The following CLEC16A variants were observed in gnomAD, a reference collection of about 807,000 sequenced individuals.
CLEC16A encodes the protein protein CLEC16A.
CLEC16A carries 51 observed loss-of-function variants against 109.5 expected under a neutral mutation model. The ratio of observed to expected loss-of-function variants is 0.47; its 90% CI spans 0.37 to 0.59. The LOEUF (loss-of-function observed/expected upper bound fraction) is 0.59. CLEC16A is among the 20% of genes least tolerant of loss of function. The pLI, the probability that CLEC16A is intolerant of heterozygous loss-of-function variation, is 0.00. For synonymous variants in CLEC16A, 673 were observed against 564.2 expected (o/e 1.19, Z -2.73); for missense variants, 1,339 against 1,394.0 (o/e 0.96, Z 0.63).
chr16:11,045,380 G>C (rs1050830759), intron 16 of CLEC16A, among the ~76,000 whole-genome samples: 1 of 152,128 alleles, frequency 6.6e-6, no homozygotes. Flanking sequence ...ACTTCTGTCA[G>C]TTTTGGAGGC....
At chr16:11,177,730 A>G (rs2068812921) in intron 23 of CLEC16A, among the ~76,000 whole-genome samples, 2 of 152,260 alleles carry the variant, frequency 1.3e-5, no homozygotes, top group East Asian at 1.9e-4. Flanking sequence ...CGGGACAATA[A>G]TGGCCTGAGG....
intron 23 of CLEC16A, among the ~76,000 whole-genome samples, 167 bp downstream of exon 23, chr16:11,166,719 T>A (rs2068280014): frequency 6.6e-6 from 1 of 152,190 alleles, no homozygotes; most frequent in Non-Finnish European, 1.5e-5. Context: ...TAACTTGATG[T>A]TCCCTCCCAG....
intron 19 of CLEC16A, among the ~76,000 whole-genome samples, chr16:11,097,455 A>C (rs944808875): frequency 3.9e-5 from 6 of 152,288 alleles, no homozygotes; most frequent in African/African-American, 1.4e-4. Flanking sequence ...TTGATGCATC[A>C]GAAATATTTT....
chr16:11,099,168 G>A (rs2050767101), intron 19 of CLEC16A, among the ~76,000 whole-genome samples: 1 of 152,208 alleles, frequency 6.6e-6, no homozygotes, highest in Non-Finnish European at 1.5e-5. Flanking sequence ...AAGGCCCTGG[G>A]CCAGGCTGCT....
intron 9 of CLEC16A, among the ~76,000 whole-genome samples, chr16:10,982,200 G>T (rs1337060495): frequency 6.6e-6 from 1 of 152,170 alleles, no homozygotes; most frequent in African/African-American, 2.4e-5. Flanking sequence ...CTTAAAGCTG[G>T]TCCTCTGAAC....
intron 6 of CLEC16A, 116 bp from the exon 7 acceptor site, chr16:10,972,822 G>T: frequency 9.2e-7 from 1 of 1,091,874 alleles, no homozygotes; most frequent in East Asian, 2.6e-5. Context: ...TCAGATTATA[G>T]CAGAGGGCTT....
intron 19 of CLEC16A, among the ~76,000 whole-genome samples, chr16:11,118,990 G>C (rs1019638446): frequency 6.6e-6 from 1 of 151,988 alleles, no homozygotes; most frequent in Non-Finnish European, 1.5e-5. Flanking sequence ...TGTTCTGTTG[G>C]TCCATGTGTT....
At chr16:10,983,105 C>T (rs1375742516) in intron 10 of CLEC16A, 114 bp downstream of exon 10, 9 of 623,470 alleles carry the variant, frequency 1.4e-5, no homozygotes, top group Non-Finnish European at 2.3e-5. Flanking sequence ...AGTGATGATG[C>T]ATAAGCTGGT....
chr16:11,178,954 AG>A lies in CLEC16A; in HGVS notation c.*265del. Reference sequence around the variant, plus strand: ...AGATGACTGCACCGGCCACTCAGGGAGCTGCCTGGGCTCCGTGTCTCTGAGC... The same window carrying A: ...AGATGACTGCACCGGCCACTCAGGGACTGCCTGGGCTCCGTGTCTCTGAGC... On this transcript the variant is annotated 3_prime_UTR_variant, in exon 24 of 24. Coordinates refer to ENST00000409790, the MANE Select transcript of CLEC16A (RefSeq NM_015226.3). This position sits in a 1 kb window ranked among gnomAD's most constrained non-coding sequence, Gnocchi z 6.5. The A allele has an allele frequency of 2.4e-6, 1 of 408,436 alleles. No homozygotes were observed. Among genetic ancestry groups the A allele is most frequent in the South Asian group, 6.9e-5 (1 of 14,480 alleles). 25.3% of individuals were successfully genotyped at this position (408,436 alleles called of 1,614,324 possible).
At chr16:11,167,479 C>T (rs1003249740) in intron 23 of CLEC16A, among the ~76,000 whole-genome samples, 4 of 152,152 alleles carry the variant, frequency 2.6e-5, no homozygotes, top group African/African-American at 7.2e-5. Flanking sequence ...CAGGAGGACA[C>T]GGGCTACTGC....
chr16:11,121,898 A>G (rs1449281389), intron 20 of CLEC16A, among the ~76,000 whole-genome samples: 1 of 151,250 alleles, frequency 6.6e-6, no homozygotes, highest in Non-Finnish European at 1.5e-5. Context: ...AAAAAAAAAA[A>G]AAAAAAAAAG....
chr16:11,108,583 A>T (rs943288132), intron 19 of CLEC16A, among the ~76,000 whole-genome samples: 1 of 152,256 alleles, frequency 6.6e-6, no homozygotes, highest in African/African-American at 2.4e-5. Flanking sequence ...GGGGACTGGA[A>T]TGCCAGGTTT....
chr16:11,144,303 C>T (rs1383486236), intron 22 of CLEC16A, among the ~76,000 whole-genome samples: 2 of 152,230 alleles, frequency 1.3e-5, no homozygotes, highest in Admixed American at 1.3e-4. Flanking sequence ...CCTCAGTCTC[C>T]TGTTGCCAGG....
At position 11,047,729 on chromosome 16, in the gene CLEC16A, C is replaced by A. The variant is rs373062682; in HGVS notation, c.1866+387C>A. Reference sequence around the variant, plus strand: ...TGTCCCTTTCTTGCTGAATTAGTCTCTTCTCATACTGCTACGCAGAAATAC... The same window carrying A: ...TGTCCCTTTCTTGCTGAATTAGTCTATTCTCATACTGCTACGCAGAAATAC... On this transcript the variant is annotated intron_variant, in intron 17 of 23. Transcript: ENST00000409790. The A allele has an allele frequency of 2.2e-3, 336 of 155,408 alleles. 1 individual carries two copies. Among genetic ancestry groups the A allele is most frequent in the African/African-American group, 7.6e-3 (317 of 41,716 alleles). The allele number at this position is 155,408 out of a possible 1,614,324, so 9.6% of individuals were successfully genotyped here.
chr16:11,149,397 A>G (rs1313420449), intron 22 of CLEC16A, among the ~76,000 whole-genome samples: 3 of 152,188 alleles, frequency 2.0e-5, no homozygotes, highest in Non-Finnish European at 4.4e-5. Flanking sequence ...AACCCAGAAG[A>G]AAGCATTGTT....
chr16:11,091,909 G>A (rs1294789440), intron 19 of CLEC16A, among the ~76,000 whole-genome samples: 2 of 152,116 alleles, frequency 1.3e-5, no homozygotes, highest in Admixed American at 6.5e-5. Context: ...CAGGTACTCA[G>A]CAGGGGTGTT....
chr16:10,963,994 A>G (rs2042380064), intron 3 of CLEC16A, among the ~76,000 whole-genome samples: 1 of 152,192 alleles, frequency 6.6e-6, no homozygotes, highest in Non-Finnish European at 1.5e-5. Context: ...TGTTATTCCA[A>G]GGTGACTTCA....
At chr16:11,036,398 A>T (rs2047021067) in intron 13 of CLEC16A, among the ~76,000 whole-genome samples, 1 of 150,484 alleles carries the variant, frequency 6.6e-6, no homozygotes, top group South Asian at 2.1e-4. Flanking sequence ...TTCAAGGCAA[A>T]CTCCTGTTCA....
Position 11,126,114 on chromosome 16 carries a change from G to A in CLEC16A, c.2609G>A (p.Arg870His), listed in dbSNP as rs201880959. The change falls in exon 22 of 24, where the codon CGC (arginine) becomes CAC (histidine). Residue 870 changes from arginine to histidine, a missense_variant. Transcript: ENST00000409790. ...GGCAGCAGCGACCCCACAGTGCAGC[G>A]CTCCGTGTTTGCATCGGTGGACAAG... Reference protein sequence around the residue: ...RRGSSDPTVQRSVFASVDKVP... With the variant: ...RRGSSDPTVQHSVFASVDKVP... The A allele has an allele frequency of 1.5e-5, 25 of 1,613,744 alleles. No individual in the cohort carries two copies. Among genetic ancestry groups the A allele is most frequent in the Admixed American group, 3.3e-5 (2 of 60,006 alleles).
Sources: gnomAD v4.1 joint callset for allele counts (sites outside exome capture counted in the v4.1 genomes callset) on GRCh38, gnomAD v4.1.1 for gene constraint, Gnocchi (gnomAD v3.1) non-coding constraint, MANE v1.5 for transcripts, NCBI Gene and HGNC (gene_info 2026-07-23, HGNC 2026-07-21) for gene names.